Variants in PRDM11 observed in about 807,000 individuals in gnomAD.
The protein encoded by PRDM11 is PR/SET domain 11, also known as PR domain-containing protein 11.
In PRDM11, 20 loss-of-function variants were observed where a neutral mutation model predicts 97.8. The observed-to-expected ratio is 0.20, with a 90% CI of 0.14 to 0.30. The LOEUF (loss-of-function observed/expected upper bound fraction) is 0.30, where lower values mean the gene tolerates loss of function less well. Among genes scored for constraint, PRDM11 ranks in the 10% least tolerant of loss-of-function variants. The probability of loss-of-function intolerance (pLI) is 1.00; values close to 1 mark genes in which losing one functional copy is unlikely to be tolerated. For synonymous variants in PRDM11, 599 were observed against 637.7 expected, an observed-to-expected ratio of 0.94 and a Z score of 0.91; for missense variants, 1,139 against 1,555.2, an observed-to-expected ratio of 0.73 and a Z score of 4.50.
intron 1 of PRDM11, among the ~76,000 whole-genome samples, chr11:45,103,641 T>G (rs1852016402): frequency 6.6e-6 from 1 of 151,594 alleles, no homozygotes; most frequent in Non-Finnish European, 1.5e-5. Context: ...TCTGTCTTGA[T>G]GGTCACACGG....
chr11:45,134,535 C>CA (rs947922351), intron 1 of PRDM11, among the ~76,000 whole-genome samples: 2 of 150,488 alleles, frequency 1.3e-5, no homozygotes, highest in South Asian at 2.1e-4. Flanking sequence ...CCTGTCTCTA[C>CA]AAAAAATACA....
At chr11:45,168,369 C>T (rs1390259806) in intron 1 of PRDM11, among the ~76,000 whole-genome samples, 1 of 152,168 alleles carries the variant, frequency 6.6e-6, no homozygotes, top group East Asian at 1.9e-4. Context: ...CATGGTGTTT[C>T]CTCAGGTCCT....
At position 45,227,092 on chromosome 11, in the gene PRDM11, C is replaced by T. The variant is rs1323597335; in HGVS notation, c.2467C>T (p.Arg823Trp). The change falls in exon 8 of 8, where the codon CGG becomes TGG. Residue 823 changes from arginine (R) to tryptophan (W), a missense_variant. Physicochemically the swap from Arg to Trp is moderately radical, Grantham distance 101. Around this residue, in one of 2 missense-constraint regions of PRDM11, gnomAD observed 710 missense variants for 1,044.9 expected, o/e 0.68. Transcript: ENST00000683152. This position sits in a 1 kb window ranked among gnomAD's most constrained non-coding sequence, Gnocchi z 8.0. ...GGAGACAGAGTTCCTGGGCGATATC[C>T]GGGCAGTGCGGTGGATCATCGGCGA... is the stretch of plus-strand genomic sequence containing the variant. ...CEETEFLGDIRAVRWIIGEQN... is the reference protein window; with the variant it reads ...CEETEFLGDIWAVRWIIGEQN... 21 of 1,533,844 alleles carry T rather than the reference C, an allele frequency of 1.4e-5. No individual in the cohort carries two copies. The highest frequency in any genetic ancestry group is 2.4e-5 in the East Asian group (1 of 40,924).
At chr11:45,142,560 G>A (rs901567606), upstream of PRDM11, among the ~76,000 whole-genome samples, 2 of 152,164 alleles carry the variant, frequency 1.3e-5, no homozygotes, top group African/African-American at 4.8e-5. Context: ...GGGACTAATG[G>A]GGGAGATTTT....
Position 45,219,712 on chromosome 11 carries a change from C to G in PRDM11, c.697C>G (p.Leu233Val). Residue 233 changes from leucine (L) to valine (V), a missense_variant, in exon 6 of 8, where the codon CTG becomes GTG. Leu to Val is a conservative substitution (Grantham distance 32). This residue lies in a region of PRDM11 where 429 missense variants were observed against 510.3 expected (regional missense o/e 0.84). Transcript: ENST00000683152. The surrounding 1 kb of genome is among the most constrained non-coding windows in gnomAD (Gnocchi z 4.2). Reference sequence around the variant, plus strand: ...GTACAGCGAGGACTACATGAAGCGCCTGCACAGCATGTCCCAGGAAACCAT... The same window carrying G: ...GTACAGCGAGGACTACATGAAGCGCGTGCACAGCATGTCCCAGGAAACCAT... Reference protein sequence around the residue: ...VWYSEDYMKRLHSMSQETIHR... With the variant: ...VWYSEDYMKRVHSMSQETIHR... 1.9e-6 allele frequency: 3 copies of G among 1,614,056 alleles called. No individual in the cohort carries two copies. The highest frequency in any genetic ancestry group is 2.5e-6 in the Non-Finnish European group (3 of 1,180,024).
chr11:45,225,238 TC>T, intron 7 of PRDM11: 1 of 593,790 alleles, frequency 1.7e-6, no homozygotes, highest in Non-Finnish European at 2.1e-6. Flanking sequence ...CCTAACTTAG[TC>T]CAGGAACACA....
chr11:45,100,615 T>C (rs995300569), intron 1 of PRDM11, among the ~76,000 whole-genome samples: 2 of 152,188 alleles, frequency 1.3e-5, no homozygotes, highest in African/African-American at 2.4e-5. Context: ...CTCTCCTCCA[T>C]AGGTCCGTGG....
In PRDM11 at chr11:45,198,458, C is replaced by CA. The variant is rs1221539385; in HGVS notation, c.487-6252dup. Among the ~76,000 whole-genome samples the CA allele has an allele frequency of 2.6e-5, 4 of 152,186 alleles. No homozygotes were observed. The East Asian group carries it at 7.7e-4, about 29-fold the overall frequency. ...CTTCATCAACTGTGAATGGCTTCAC[C>CA]AGTCATTCTTGTAACTACTTTGCTC... On this transcript the variant is annotated intron_variant, in intron 4 of 7. Transcript: ENST00000683152.
In PRDM11 at chr11:45,228,167, GC is replaced by G. The variant is rs1474196972; in HGVS notation, c.*9del. ...TTTTACCCCGACATTTAGGGAGCTG[GC>G]GCTGCAGAGTTCACTAAGCTGTTGA... On this transcript the variant is annotated 3_prime_UTR_variant, in exon 8 of 8. Coordinates refer to ENST00000683152, the MANE Select transcript of PRDM11 (RefSeq NM_001384648.1). The G allele has an allele frequency of 2.7e-6, 4 of 1,507,604 alleles. No individual in the cohort carries two copies. Among genetic ancestry groups the G allele is most frequent in the Non-Finnish European group, 3.5e-6 (4 of 1,131,860 alleles). 93.4% of individuals were successfully genotyped at this position (1,507,604 alleles called of 1,614,324 possible).
intron 1 of PRDM11, among the ~76,000 whole-genome samples, chr11:45,160,650 A>G (rs1590392885): frequency 6.6e-6 from 1 of 152,154 alleles, no homozygotes; most frequent in South Asian, 2.1e-4. Context: ...CCATCCCCCC[A>G]CCACTGACAT....
At chr11:45,208,183 G>A (rs1853583735) in intron 5 of PRDM11, among the ~76,000 whole-genome samples, 1 of 152,206 alleles carries the variant, frequency 6.6e-6, no homozygotes. Context: ...CACCCCCGAA[G>A]AAAGCACTCC....
intron 4 of PRDM11, among the ~76,000 whole-genome samples, chr11:45,201,191 TC>T (rs1853314647): frequency 6.6e-6 from 1 of 152,228 alleles, no homozygotes; most frequent in East Asian, 1.9e-4. Context: ...AAATCATCAG[TC>T]AAATGTAGTA....
intron 1 of PRDM11, 48 bp from the exon 2 acceptor site, chr11:45,181,713 T>C (rs746145115): frequency 3.3e-6 from 5 of 1,531,996 alleles, no homozygotes; most frequent in South Asian, 2.3e-5. Context: ...CCTCTTCCCC[T>C]GTTTCTTTGA....
chr11:45,185,722 ATAGT>A (rs1852680044), intron 4 of PRDM11, among the ~76,000 whole-genome samples: 1 of 152,156 alleles, frequency 6.6e-6, no homozygotes, highest in South Asian at 2.1e-4. Flanking sequence ...GCAGATAGAG[ATAGT>A]TAGGTATAGT....
chr11:45,139,568 C>CAAAAAAAAA (rs10594529), intron 1 of PRDM11, among the ~76,000 whole-genome samples: 1 of 91,424 alleles, frequency 1.1e-5, no homozygotes, highest in East Asian at 3.4e-4. Context: ...CTCCAACTCA[C>CAAAAAAAAA]AAAAAAAAAA....
In PRDM11 at chr11:45,234,796, G is replaced by T. The variant is rs978693206; in HGVS notation, c.*6637G>T. The T allele has an allele frequency of 6.6e-6, 1 of 152,116 alleles. No individual in the cohort carries two copies. Among genetic ancestry groups the T allele is most frequent in the South Asian group, 2.1e-4 (1 of 4,822 alleles). 9.4% of individuals were successfully genotyped at this position (152,116 alleles called of 1,614,324 possible). On this transcript the variant is annotated 3_prime_UTR_variant, in exon 8 of 8. Coordinates refer to ENST00000683152, the MANE Select transcript of PRDM11 (RefSeq NM_001384648.1). Reference sequence around the variant, plus strand: ...TCTGATTCCGTCTATTTCAGCCCCCGTCTCTCTCTTCTCCACCCCCACGCT... The same window carrying T: ...TCTGATTCCGTCTATTTCAGCCCCCTTCTCTCTCTTCTCCACCCCCACGCT...
intron 1 of PRDM11, among the ~76,000 whole-genome samples, chr11:45,147,971 T>A (rs941012892): frequency 1.3e-5 from 2 of 152,038 alleles, no homozygotes; most frequent in Non-Finnish European, 2.9e-5. Context: ...ACAGAAGAAT[T>A]TTCTGTGGAG....
intron 4 of PRDM11, among the ~76,000 whole-genome samples, chr11:45,202,916 A>G (rs193228289): frequency 1.3e-5 from 2 of 152,326 alleles, no homozygotes. Context: ...CCCTCAGGGC[A>G]TCAAGGCTGC....
chr11:45,126,677 T>C (rs1300926548), intron 1 of PRDM11, among the ~76,000 whole-genome samples: 1 of 152,248 alleles, frequency 6.6e-6, no homozygotes, highest in African/African-American at 2.4e-5. Context: ...CACTCTCTTC[T>C]GGCTTGTAGA....
Sources: allele counts gnomAD v4.1 joint callset (sites outside exome capture counted in the v4.1 genomes callset), GRCh38; gene constraint gnomAD v4.1.1; regional missense constraint gnomAD v4.1.1; non-coding constraint Gnocchi (gnomAD v3.1); transcripts MANE v1.5; gene names NCBI Gene and HGNC (gene_info 2026-07-23, HGNC 2026-07-21).